PATJ: variants seen among roughly 807,000 people sequenced by gnomAD.
PATJ encodes PATJ crumbs cell polarity complex component, also known as inaD-like protein.
PATJ carries 190 observed loss-of-function variants against 224.9 expected under a neutral mutation model. The observed-to-expected ratio is 0.84, with a 90% CI of 0.75 to 0.95. The LOEUF (loss-of-function observed/expected upper bound fraction) is 0.95. Among genes scored for constraint, PATJ ranks in the 40% least tolerant of loss-of-function variants. The probability of loss-of-function intolerance (pLI) is 0.00; values close to 1 mark genes in which losing one functional copy is unlikely to be tolerated. For missense variants in PATJ, 2,121 were observed against 2,270.3 expected (o/e 0.93, Z 1.34); for synonymous variants, 769 against 820.3 (o/e 0.94, Z 1.07).
intron 25 of PATJ, among the ~76,000 whole-genome samples, chr1:61,911,691 ATT>A (rs1197172969): frequency 2.3e-4 from 28 of 121,214 alleles, no homozygotes; most frequent in African/African-American, 1.1e-3. Flanking sequence ...TCATCTATAT[ATT>A]TTTATATATA....
chr1:61,940,931 C>T (rs1047264375), intron 27 of PATJ, among the ~76,000 whole-genome samples: 1 of 152,048 alleles, frequency 6.6e-6, no homozygotes, highest in African/African-American at 2.4e-5. Context: ...ATTACATTTT[C>T]ACTTTCAACT....
intron 29 of PATJ, among the ~76,000 whole-genome samples, chr1:62,020,085 G>C (rs150681546): frequency 1.3e-5 from 2 of 151,910 alleles, no homozygotes; most frequent in Non-Finnish European, 2.9e-5. Flanking sequence ...CAGGAGCATC[G>C]CATGAGCCCA....
chr1:62,098,361 AAAAAAAAAGAAAAAAG>A (rs1384492871), intron 33 of PATJ, among the ~76,000 whole-genome samples: 42 of 151,448 alleles, frequency 2.8e-4, no homozygotes, highest in African/African-American at 1.0e-3. Context: ...TCCATCTCAA[AAAAAAAAAGAAAAAAG>A]AAAAAAAAGA....
At chr1:62,102,852 CCT>C (rs1218447694) in intron 33 of PATJ, among the ~76,000 whole-genome samples, 1 of 128,758 alleles carries the variant, frequency 7.8e-6, no homozygotes, top group Non-Finnish European at 1.6e-5. Flanking sequence ...AGAGCAATAC[CCT>C]GTCTCAAAAA....
chr1:61,821,605 G>A (rs906988402), intron 14 of PATJ, among the ~76,000 whole-genome samples: 2 of 152,186 alleles, frequency 1.3e-5, no homozygotes, highest in African/African-American at 4.8e-5. Context: ...GGGACTGAAA[G>A]CAGAAGACTG....
chr1:61,766,469 C>A lies in PATJ; in HGVS notation c.380C>A (p.Ala127Asp). The A allele has an allele frequency of 6.3e-7, 1 of 1,587,478 alleles. No individual in the cohort carries two copies. Among genetic ancestry groups the A allele is most frequent in the Non-Finnish European group, 8.5e-7 (1 of 1,170,388 alleles). ...TTTAACTCAGTCATTCAACAGATGG[C>A]TCAGGTAAAGTTGTATCTTCTCATG... The part of the protein sequence containing the change: ...EDFNSVIQQM[A>D]QGRQIEYIDI... Residue 127 changes from alanine to aspartate, a missense_variant, in exon 4 of 44, where the codon GCT (alanine) becomes GAT (aspartate). Physicochemically the swap from Ala to Asp is moderately radical, Grantham distance 126. Transcript: ENST00000642238.
chr1:62,073,326 TA>T, intron 31 of PATJ: 2 of 985,188 alleles, frequency 2.0e-6, no homozygotes, highest in Non-Finnish European at 2.4e-6. Flanking sequence ...AACAGATGCT[TA>T]AAAGGGCATC....
At position 62,136,586 on chromosome 1, in the gene PATJ, A is replaced by G. The variant is rs540499260; in HGVS notation, c.5271+7641A>G. On this transcript the variant is annotated intron_variant, in intron 41 of 43. Coordinates refer to ENST00000642238, the MANE Select transcript of PATJ (RefSeq NM_001350145.3). ...TACAGCCTTCCTGTTTGTTTTCAAC[A>G]TGTGTGCACCCATAGTTTGAGGGTC... Among the ~76,000 whole-genome samples the G allele has an allele frequency of 8.5e-4, 127 of 149,586 alleles. 1 individual carries two copies. The highest frequency in any genetic ancestry group is 6.9e-3 in the Middle Eastern group (2 of 290).
At chr1:62,037,956 G>A in intron 29 of PATJ, 21 bp from the exon 30 acceptor site, 6 of 1,567,160 alleles carry the variant, frequency 3.8e-6, no homozygotes, top group Non-Finnish European at 5.2e-6. Flanking sequence ...TACTGATTCT[G>A]CCTATTTTAA....
At chr1:61,773,103 C>T (rs1646711456) in intron 6 of PATJ, among the ~76,000 whole-genome samples, 1 of 152,046 alleles carries the variant, frequency 6.6e-6, no homozygotes. Flanking sequence ...TCACTGCAAC[C>T]CCCGCCTCCT....
intron 27 of PATJ, among the ~76,000 whole-genome samples, chr1:61,980,437 TTGTGTGTG>T (rs148389720): frequency 0.026 from 3,405 of 129,718 alleles, 156 homozygotes; most frequent in African/African-American, 0.096. Flanking sequence ...CTTATATAAT[TTGTGTGTG>T]TGTGTGTGTG....
At chr1:61,872,569 G>A (rs1204522385) in intron 20 of PATJ, among the ~76,000 whole-genome samples, 1 of 152,202 alleles carries the variant, frequency 6.6e-6, no homozygotes, top group Non-Finnish European at 1.5e-5. Flanking sequence ...TAAGTAGCTA[G>A]AATTTCTATA....
At chr1:62,105,210 G>C (rs1203207649) in intron 33 of PATJ, among the ~76,000 whole-genome samples, 1 of 152,122 alleles carries the variant, frequency 6.6e-6, no homozygotes, top group Non-Finnish European at 1.5e-5. Context: ...TTTGAATTCA[G>C]ACCGCTTTTA....
chr1:62,077,370 A>C (rs1351488676), intron 31 of PATJ, among the ~76,000 whole-genome samples: 1 of 152,156 alleles, frequency 6.6e-6, no homozygotes, highest in African/African-American at 2.4e-5. Flanking sequence ...TAATTGAAAA[A>C]GTCTCTTTTT....
At chr1:62,109,514 G>A (rs1232014756) in intron 34 of PATJ, among the ~76,000 whole-genome samples, 1 of 152,142 alleles carries the variant, frequency 6.6e-6, no homozygotes, top group East Asian at 1.9e-4. Context: ...CATATTCCCA[G>A]TACATTCATT....
intron 27 of PATJ, among the ~76,000 whole-genome samples, chr1:61,969,761 T>G (rs1344182971): frequency 6.6e-6 from 1 of 152,112 alleles, no homozygotes; most frequent in African/African-American, 2.4e-5. Context: ...TGGTGTGATC[T>G]CAGCTCATTG....
chr1:61,995,328 TA>T (rs1199064506), intron 28 of PATJ, among the ~76,000 whole-genome samples: 2 of 152,244 alleles, frequency 1.3e-5, no homozygotes, highest in Non-Finnish European at 2.9e-5. Context: ...TATTTGCACA[TA>T]TTATTTATCA....
intron 17 of PATJ, among the ~76,000 whole-genome samples, chr1:61,841,756 G>A (rs1444208387): frequency 6.6e-6 from 1 of 152,024 alleles, no homozygotes; most frequent in Non-Finnish European, 1.5e-5. Flanking sequence ...TGCATTTAAA[G>A]GTCACTTTTT....
At chr1:61,811,085 G>GT (rs1321385664) in intron 14 of PATJ, among the ~76,000 whole-genome samples, 1 of 152,060 alleles carries the variant, frequency 6.6e-6, no homozygotes, top group Non-Finnish European at 1.5e-5. Context: ...CCATGTCTCA[G>GT]TTTTTTGTAT....
Sources: gnomAD v4.1 joint callset for allele counts (sites outside exome capture counted in the v4.1 genomes callset) on GRCh38, gnomAD v4.1.1 for gene constraint, MANE v1.5 for transcripts, NCBI Gene and HGNC (gene_info 2026-07-23, HGNC 2026-07-21) for gene names.